Variants in RASAL2 observed in about 807,000 individuals in gnomAD.
RASAL2 encodes RAS protein activator like 2, also known as ras GTPase-activating protein nGAP.
A neutral mutation model predicts 128.9 loss-of-function variants in RASAL2; 58 were observed. That is an observed-to-expected ratio of 0.45 (90% CI 0.36 to 0.56). RASAL2 has a LOEUF of 0.56. RASAL2 is among the 20% of genes least tolerant of loss of function. The probability of loss-of-function intolerance (pLI) is 0.00; values close to 1 mark genes in which losing one functional copy is unlikely to be tolerated. For synonymous variants in RASAL2, 561 were observed against 580.8 expected, an observed-to-expected ratio of 0.97 and a Z score of 0.49; for missense variants, 1,360 against 1,601.6, an observed-to-expected ratio of 0.85 and a Z score of 2.57.
chr1:178,450,423 C>G (rs2102879687), intron 9 of RASAL2, among the ~76,000 whole-genome samples: 1 of 152,190 alleles, frequency 6.6e-6, no homozygotes, highest in South Asian at 2.1e-4. Context: ...TTTTTCTGTG[C>G]ACCACTTTCC....
chr1:178,217,458 A>G (rs1228466907), intron 1 of RASAL2, among the ~76,000 whole-genome samples: 1 of 152,312 alleles, frequency 6.6e-6, no homozygotes, highest in Admixed American at 6.5e-5. Flanking sequence ...CCCAAAGTTC[A>G]TAATTCCATT....
chr1:178,333,281 C>T (rs912573346), intron 3 of RASAL2, among the ~76,000 whole-genome samples: 6 of 152,174 alleles, frequency 3.9e-5, no homozygotes, highest in Non-Finnish European at 7.3e-5. Context: ...CCCGTCTCGG[C>T]CTCCCAAAGT....
At chr1:178,187,048 G>A (rs1458316183) in intron 1 of RASAL2, among the ~76,000 whole-genome samples, 1 of 151,936 alleles carries the variant, frequency 6.6e-6, no homozygotes, top group South Asian at 2.1e-4. Flanking sequence ...GGTTGGTCTC[G>A]AACTCCTGGC....
chr1:178,256,799 G>A (rs965378707), intron 1 of RASAL2, among the ~76,000 whole-genome samples: 2 of 151,900 alleles, frequency 1.3e-5, no homozygotes, highest in African/African-American at 4.8e-5. Flanking sequence ...TCAGCCTCCC[G>A]AGTAGCTGGG....
chr1:178,267,448 G>A (rs12036834), intron 1 of RASAL2, among the ~76,000 whole-genome samples: 15,436 of 150,354 alleles, frequency 0.1, 823 homozygotes, highest in Middle Eastern at 0.14. Flanking sequence ...TGCTGAGTAT[G>A]GTTGAATATC....
intron 1 of RASAL2, among the ~76,000 whole-genome samples, chr1:178,238,761 A>G (rs1056439303): frequency 1.3e-5 from 2 of 152,132 alleles, no homozygotes; most frequent in African/African-American, 4.8e-5. Context: ...AATGTGATCT[A>G]GAGTTTTCAA....
intron 1 of RASAL2, among the ~76,000 whole-genome samples, chr1:178,235,225 A>G (rs1308154884): frequency 1.3e-5 from 2 of 152,210 alleles, no homozygotes; most frequent in African/African-American, 4.8e-5. Flanking sequence ...AAATCTTACA[A>G]TCAGTTCCTC....
At chr1:178,294,036 T>C (rs1667389560) in intron 2 of RASAL2, among the ~76,000 whole-genome samples, 1 of 152,160 alleles carries the variant, frequency 6.6e-6, no homozygotes, top group South Asian at 2.1e-4. Context: ...CAATAGGGAA[T>C]GTATTAAAGA....
At chr1:178,305,827 G>A (rs766083701) in intron 3 of RASAL2, among the ~76,000 whole-genome samples, 1 of 152,150 alleles carries the variant, frequency 6.6e-6, no homozygotes, top group African/African-American at 2.4e-5. Context: ...CTATTAGAAT[G>A]TATGACAGAA....
chr1:178,387,707 T>C (rs1455907534), intron 3 of RASAL2, among the ~76,000 whole-genome samples: 1 of 152,168 alleles, frequency 6.6e-6, no homozygotes, highest in Non-Finnish European at 1.5e-5. Context: ...CATGAACTCA[T>C]CATTTTTTAT....
intron 3 of RASAL2, among the ~76,000 whole-genome samples, chr1:178,304,201 A>T (rs1667889628): frequency 1.3e-5 from 2 of 152,130 alleles, no homozygotes; most frequent in South Asian, 4.1e-4. Context: ...GTTTTATGCT[A>T]CCAAAAGGGC....
chr1:178,351,398 C>A (rs545954286), intron 3 of RASAL2, among the ~76,000 whole-genome samples: 1 of 152,132 alleles, frequency 6.6e-6, no homozygotes, highest in African/African-American at 2.4e-5. Context: ...AGGCTAGTCC[C>A]TTTTGCCTAT....
At chr1:178,472,737 A>T (rs1049996725) in intron 17 of RASAL2, among the ~76,000 whole-genome samples, 1 of 152,180 alleles carries the variant, frequency 6.6e-6, no homozygotes, top group Non-Finnish European at 1.5e-5. Flanking sequence ...GACCTAAAGC[A>T]CTTAGTATAA....
At chr1:178,284,801 A>G (rs187287112) in intron 2 of RASAL2, among the ~76,000 whole-genome samples, 1 of 152,332 alleles carries the variant, frequency 6.6e-6, no homozygotes, top group East Asian at 1.9e-4. Context: ...AGAAGATATG[A>G]TTCAATGAAG....
intron 3 of RASAL2, among the ~76,000 whole-genome samples, chr1:178,361,726 A>T (rs1671117784): frequency 1.3e-5 from 2 of 152,000 alleles, no homozygotes; most frequent in South Asian, 4.2e-4. Flanking sequence ...TGGTTTTGGC[A>T]TGATTCAAGC....
chr1:178,098,142 G>A (rs1658759854), intron 1 of RASAL2, among the ~76,000 whole-genome samples: 1 of 152,180 alleles, frequency 6.6e-6, no homozygotes, highest in South Asian at 2.1e-4. Flanking sequence ...ATATCAGGGA[G>A]CCTTGTTTAT....
At chr1:178,126,615 A>G (rs1659908333) in intron 1 of RASAL2, among the ~76,000 whole-genome samples, 3 of 152,224 alleles carry the variant, frequency 2.0e-5, no homozygotes, top group Admixed American at 2.0e-4. Flanking sequence ...TATTTCTGAA[A>G]TCTATTTAAA....
chr1:178,398,790 T>C (rs1240925507), intron 4 of RASAL2, among the ~76,000 whole-genome samples: 1 of 152,184 alleles, frequency 6.6e-6, no homozygotes, highest in African/African-American at 2.4e-5. Context: ...ACTCTTCCCC[T>C]TCTCTCAAAT....
rs1054320750 is a variant in RASAL2 at position 178,236,798 on chromosome 1, C to A, written c.203-46766C>A. Among the ~76,000 whole-genome samples the A allele has an allele frequency of 7.0e-5, 9 of 129,034 alleles. No individual in the cohort carries two copies. The Middle Eastern group carries it at 0.018, about 253-fold the overall frequency. 84.7% of individuals were successfully genotyped at this position (129,034 alleles called of 152,430 possible). A position where few individuals can be genotyped will look rare whatever the true frequency, so the allele number is the denominator to read the frequency against. ...TTTTTTTTTGAAACAGAGTCTTGCT[C>A]TGTCACCCAGGCTGGAGGCCAGTGG... On this transcript the variant is annotated intron_variant, in intron 1 of 17. Transcript: ENST00000367649.
Sources: gnomAD v4.1 joint callset for allele counts (sites outside exome capture counted in the v4.1 genomes callset) on GRCh38, gnomAD v4.1.1 for gene constraint, MANE v1.5 for transcripts, NCBI Gene and HGNC (gene_info 2026-07-23, HGNC 2026-07-21) for gene names.